The following ABCA7 variants were observed in gnomAD, a reference collection of about 807,000 sequenced individuals.
ABCA7 encodes ATP binding cassette subfamily A member 7.
ABCA7 carries 261 observed loss-of-function variants against 227.6 expected under a neutral mutation model. The observed-to-expected ratio is 1.15, with a 90% confidence interval of 1.04 to 1.27. The LOEUF (loss-of-function observed/expected upper bound fraction) is 1.27. Ranked by LOEUF, ABCA7 falls within the 50% of genes most tolerant of loss-of-function variation. The pLI, the probability that ABCA7 is intolerant of heterozygous loss-of-function variation, is 0.00. For missense variants in ABCA7, 3,331 were observed against 2,924.5 expected (o/e 1.14, Z -3.21); for synonymous variants, 1,488 against 1,279.7 (o/e 1.16, Z -3.47).
At chr19:1,048,517 A>C (rs1053527632) in intron 16 of ABCA7, among the ~76,000 whole-genome samples, 1 of 141,128 alleles carries the variant, frequency 7.1e-6, no homozygotes, top group Non-Finnish European at 1.5e-5. Context: ...AAACAAAAAA[A>C]AAAAAAACAA....
intron 21 of ABCA7, 107 bp from the exon 22 acceptor site, chr19:1,051,835 A>T: frequency 1.4e-6 from 2 of 1,433,446 alleles, no homozygotes; most frequent in Non-Finnish European, 9.5e-7. Context: ...GTTTTGAGGG[A>T]TGAATAGGAG....
intron 40 of ABCA7, among the ~76,000 whole-genome samples, chr19:1,061,448 G>A (rs1047268034): frequency 1.4e-5 from 2 of 146,388 alleles, no homozygotes; most frequent in African/African-American, 2.6e-5. Context: ...TGTAATCCCA[G>A]CACTTTAGGA....
intron 10 of ABCA7, 74 bp downstream of exon 10, chr19:1,043,915 G>A (rs1272172972): frequency 3.1e-6 from 4 of 1,309,792 alleles, no homozygotes; most frequent in Non-Finnish European, 3.3e-6. Context: ...GGATGGGAAG[G>A]TGGGCTCCGT....
Position 1,047,673 on chromosome 19 carries a change from G to A in ABCA7, c.2269+19G>A, listed in dbSNP as rs375047698. 9.5e-6 allele frequency: 15 copies of A among 1,575,446 alleles called. No individual in the cohort carries two copies. The South Asian group carries it at 1.2e-4, about 13-fold the overall frequency. On this transcript the variant is annotated intron_variant, in intron 16 of 46. Transcript: ENST00000263094. ...TGCCCAGGTGGGCCGTAGGGGGCGG[G>A]GCTCCGGGCCGGGTCGCACCTGCTT... is the stretch of plus-strand genomic sequence containing the variant.
At chr19:1,052,333 C>G in intron 23 of ABCA7, 47 bp downstream of exon 23, 1 of 1,176,274 alleles carries the variant, frequency 8.5e-7, no homozygotes, top group Non-Finnish European at 1.1e-6. Flanking sequence ...AGTGGGGTGG[C>G]TGTGCCTTAA....
In ABCA7 at chr19:1,049,382, C is replaced by T. The variant is rs756145054; in HGVS notation, c.2497C>T (p.Gln833Ter). ...ALRGLSLDFY[Q>*]GHITAFLGHN... Reference sequence around the variant, plus strand: ...GCGGGGGCTCAGCCTGGACTTCTACCAGGGCCACATCACCGCCTTCCTGGG... The same window carrying T: ...GCGGGGGCTCAGCCTGGACTTCTACTAGGGCCACATCACCGCCTTCCTGGG... The change falls in exon 18 of 47, where the codon CAG becomes TAG. Residue 833 changes from glutamine (Q) to a stop codon, truncating the protein, a stop_gained. Coordinates refer to ENST00000263094, the MANE Select transcript of ABCA7 (RefSeq NM_019112.4). LOFTEE classifies it high-confidence loss of function. The T allele has an allele frequency of 1.2e-6, 2 of 1,611,286 alleles. No individual in the cohort carries two copies. The highest frequency in any genetic ancestry group is 1.3e-5 in the African/African-American group (1 of 74,878).
At chr19:1,046,007 AAACAAATG>A (rs1421475860) in intron 12 of ABCA7, among the ~76,000 whole-genome samples, 1 of 152,218 alleles carries the variant, frequency 6.6e-6, no homozygotes, top group Non-Finnish European at 1.5e-5. Context: ...ACTCCGTCTC[AAACAAATG>A]AATAAATGAA....
intron 12 of ABCA7, 84 bp from the exon 13 acceptor site, chr19:1,046,146 C>A: frequency 6.8e-7 from 1 of 1,473,940 alleles, no homozygotes; most frequent in Non-Finnish European, 9.2e-7. Flanking sequence ...GAGCAAGACC[C>A]TGTCTAAGAA....
chr19:1,062,141 C>T lies in ABCA7; in HGVS notation c.5571-31C>T, dbSNP rs780376689. On this transcript the variant is annotated intron_variant, in intron 41 of 46. Coordinates refer to ENST00000263094, the MANE Select transcript of ABCA7 (RefSeq NM_019112.4). ...ACCAGTATGGTCAGGGACTAGCCAG[C>T]TCTCTGAGCCCCCGGCGCCCCCATC... is the stretch of plus-strand genomic sequence containing the variant. 2.5e-6 allele frequency: 4 copies of T among 1,608,120 alleles called. No individual in the cohort carries two copies. The South Asian group carries it at 3.3e-5, about 13-fold the overall frequency.
Position 1,045,129 on chromosome 19 carries a change from A to G in ABCA7, c.1343A>G (p.Asp448Gly), listed in dbSNP as rs1156260804. 6.2e-7 allele frequency: 1 copy of G among 1,612,676 alleles called. No individual in the cohort carries two copies. The highest frequency in any genetic ancestry group is 2.2e-5 in the East Asian group (1 of 44,834). The change falls in exon 12 of 47, where the codon GAC becomes GGC. Residue 448 changes from aspartate (D) to glycine (G), a missense_variant. Coordinates refer to ENST00000263094, the MANE Select transcript of ABCA7 (RefSeq NM_019112.4). ...TTCTTGGGACCTGAGGACTCTTCAG[A>G]CCCCACAGAGCACCCAACCCCAGAC... ...VVFLGPEDSS[D>G]PTEHPTPDLG...
Position 1,043,597 on chromosome 19 carries a change from C to G in ABCA7, c.930+124C>G, listed in dbSNP as rs561550240. The G allele has an allele frequency of 2.9e-4, 449 of 1,562,222 alleles. 1 individual carries two copies. In the Middle Eastern group the frequency reaches 4.7e-3, roughly 17 times the overall value. On this transcript the variant is annotated intron_variant, in intron 9 of 46. Coordinates refer to ENST00000263094, the MANE Select transcript of ABCA7 (RefSeq NM_019112.4). ...AACTATTTGAAGAAGTAGGAGTTAG[C>G]CGATGGAGGGGGATCAGCTTGTGCG...
rs375032351 is a variant in ABCA7, at chr19:1,050,982, G to A, written c.2614G>A (p.Val872Ile). 81 of 1,612,116 alleles carry A rather than the reference G, an allele frequency of 5.0e-5. No homozygotes were observed. Among genetic ancestry groups the A allele is most frequent in the Non-Finnish European group, 6.2e-5 (73 of 1,179,750 alleles). The change falls in exon 19 of 47, where the codon GTC (valine) becomes ATC (isoleucine). Residue 872 changes from valine to isoleucine, a missense_variant. Transcript: ENST00000263094. The part of the protein sequence containing the change: ...GGSAFILGHD[V>I]RSSMAAIRPH... ...CTCTGCCTTCATCCTGGGCCACGAC[G>A]TCCGCTCCAGCATGGCCGCCATCCG...
chr19:1,043,895 C>G, intron 10 of ABCA7, 54 bp downstream of exon 10: 1 of 1,503,978 alleles, frequency 6.6e-7, no homozygotes, highest in Non-Finnish European at 9.2e-7. Context: ...GGAGGGTAGA[C>G]AGGCCCGGTG....
chr19:1,057,580 C>T (rs1395034812), intron 35 of ABCA7, 151 bp downstream of exon 35: 11 of 844,068 alleles, frequency 1.3e-5, no homozygotes, highest in Admixed American at 2.4e-5. Flanking sequence ...AGTGGTGTGC[C>T]AAGGTGGCCT....
intron 9 of ABCA7, 69 bp from the exon 10 acceptor site, chr19:1,043,656 G>T (rs1430459551): frequency 3.2e-6 from 5 of 1,562,444 alleles, no homozygotes; most frequent in Non-Finnish European, 4.4e-6. Flanking sequence ...GCAAGGCAGA[G>T]GGGGCAGGGG....
chr19:1,043,165 G>A lies in ABCA7; in HGVS notation c.704G>A (p.Gly235Asp), dbSNP rs1459117550. 2 of 1,611,600 alleles carry A rather than the reference G, an allele frequency of 1.2e-6. No individual in the cohort carries two copies. Among genetic ancestry groups the A allele is most frequent in the East Asian group, 2.2e-5 (1 of 44,818 alleles). Residue 235 changes from glycine to aspartate, a missense_variant, in exon 8 of 47, where the codon GGC becomes GAC. Transcript: ENST00000263094. The stretch of plus-strand genomic sequence containing the variant: ...GTCAGGGGACCTAGCAGCACAGTGG[G>A]CCCCTCCCTCAACTGGTACGAGGCT... ...CSVRGPSSTV[G>D]PSLNWYEASD...
rs777695067 is a variant in ABCA7, at chr19:1,042,820, C to A, written c.573C>A (p.Ala191=). ...HSLLEAAEDL[A]QELLALRSLV... ...TGTTGGAGGCCGCTGAGGACCTGGCCCAGGAGGTACGAGGCCCCACTCATC... is the reference window on the plus strand; with the variant it reads ...TGTTGGAGGCCGCTGAGGACCTGGCACAGGAGGTACGAGGCCCCACTCATC... Residue 191 remains alanine (A), a synonymous_variant, in exon 7 of 47, where the codon GCC becomes GCA. Transcript: ENST00000263094. 2.5e-6 allele frequency: 4 copies of A among 1,600,840 alleles called. No individual in the cohort carries two copies. Among genetic ancestry groups the A allele is most frequent in the Non-Finnish European group, 3.4e-6 (4 of 1,174,772 alleles).
intron 35 of ABCA7, 69 bp from the exon 36 acceptor site, chr19:1,057,846 G>C (rs2087601132): frequency 1.3e-6 from 2 of 1,562,248 alleles, no homozygotes; most frequent in East Asian, 2.3e-5. Context: ...GATGGGAATG[G>C]AGATTTTTAT....
intron 6 of ABCA7, 24 bp from the exon 7 acceptor site, chr19:1,042,722 C>T (rs563804623): frequency 1.2e-6 from 2 of 1,610,238 alleles, no homozygotes; most frequent in Non-Finnish European, 1.7e-6. Context: ...AAATCATTGT[C>T]CCCCTTGTGG....
Sources: gnomAD v4.1 joint callset for allele counts (sites outside exome capture counted in the v4.1 genomes callset) on GRCh38, gnomAD v4.1.1 for gene constraint, MANE v1.5 for transcripts, NCBI Gene and HGNC (gene_info 2026-07-23, HGNC 2026-07-21) for gene names.